The following FILIP1L variants were observed in gnomAD, a reference collection of about 807,000 sequenced individuals.
FILIP1L encodes the protein filamin A interacting protein 1 like, also known as filamin A-interacting protein 1-like.
Under a neutral mutation model 96.6 loss-of-function variants are expected in FILIP1L, and 55 were observed. The ratio of observed to expected loss-of-function variants is 0.57; its 90% CI spans 0.46 to 0.71. The LOEUF is 0.71. Ranked by LOEUF, FILIP1L falls within the 30% of genes least tolerant of loss-of-function variation. FILIP1L has a pLI of 0.00. For synonymous variants in FILIP1L, 467 were observed against 473.9 expected (o/e 0.99, Z 0.19); for missense variants, 1,304 against 1,321.2 (o/e 0.99, Z 0.20).
intron 1 of FILIP1L, among the ~76,000 whole-genome samples, chr3:99,953,004 G>T (rs11719468): frequency 1.3e-5 from 2 of 151,898 alleles, no homozygotes; most frequent in African/African-American, 2.4e-5. Context: ...GGTCTCTGAA[G>T]GTGGATTTTC....
chr3:100,033,386 G>T (rs1576657499), intron 1 of FILIP1L, among the ~76,000 whole-genome samples: 1 of 152,168 alleles, frequency 6.6e-6, no homozygotes. Context: ...GCTCTGGAAG[G>T]CTTCCATCAA....
At chr3:99,893,326 C>T (rs1039490731) in intron 4 of FILIP1L, among the ~76,000 whole-genome samples, 14 of 151,930 alleles carry the variant, frequency 9.2e-5, no homozygotes, top group Non-Finnish European at 1.9e-4. Context: ...CCACCACGCC[C>T]GGCTAATTTT....
At chr3:99,927,000 A>G (rs910051832) in intron 3 of FILIP1L, among the ~76,000 whole-genome samples, 30 of 152,192 alleles carry the variant, frequency 2.0e-4, no homozygotes, top group African/African-American at 6.5e-4. Flanking sequence ...TTCGGGGCCA[A>G]AAGGCCCTTC....
At chr3:99,851,182 T>C in intron 4 of FILIP1L, 112 bp from the exon 5 acceptor site, 9 of 831,328 alleles carry the variant, frequency 1.1e-5, no homozygotes, top group Non-Finnish European at 1.6e-5. Flanking sequence ...GCTGTGTCAG[T>C]TCATATACAA....
intron 1 of FILIP1L, among the ~76,000 whole-genome samples, chr3:100,046,291 A>G (rs1229249228): frequency 1.3e-5 from 2 of 151,876 alleles, no homozygotes; most frequent in African/African-American, 4.8e-5. Context: ...TAGATAGTCC[A>G]CTCCTCCTTA....
chr3:100,094,474 T>C (rs927715271), intron 1 of FILIP1L, among the ~76,000 whole-genome samples: 1 of 152,150 alleles, frequency 6.6e-6, no homozygotes, highest in South Asian at 2.1e-4. Context: ...ATTATACTTT[T>C]GGTGTTAAGT....
chr3:99,839,529 G>A (rs970539587), intron 5 of FILIP1L, among the ~76,000 whole-genome samples: 4 of 152,058 alleles, frequency 2.6e-5, no homozygotes, highest in Non-Finnish European at 5.9e-5. Flanking sequence ...CAATTCTTGG[G>A]ATTCCTGCTG....
intron 5 of FILIP1L, among the ~76,000 whole-genome samples, chr3:99,835,562 G>T (rs1405683679): frequency 2.0e-5 from 3 of 152,210 alleles, no homozygotes; most frequent in African/African-American, 4.8e-5. Context: ...TATGCCCAGA[G>T]AGCCTGTTAG....
intron 4 of FILIP1L, among the ~76,000 whole-genome samples, chr3:99,909,768 G>A (rs1272355902): frequency 2.6e-5 from 4 of 152,166 alleles, no homozygotes; most frequent in African/African-American, 9.7e-5. Flanking sequence ...TAACCTCAGT[G>A]TATATTTTGC....
Position 99,982,353 on chromosome 3 carries a change from T to C in FILIP1L, c.-10-51323A>G, listed in dbSNP as rs1054097827. Among the ~76,000 whole-genome samples, 92 of 152,016 alleles carry C rather than the reference T, an allele frequency of 6.1e-4. 3 individuals are homozygous for C. The highest frequency in any genetic ancestry group is 1.0e-3 in the South Asian group (5 of 4,816). ...CATTAGGTAATTTTTTACTTTTTTT[T>C]TTTTGAGACAGGGTCTCACTCTTTC... On this transcript the variant is annotated intron_variant, in intron 1 of 5. Transcript: ENST00000477258.
intron 4 of FILIP1L, among the ~76,000 whole-genome samples, chr3:99,902,192 T>C (rs932392014): frequency 6.6e-6 from 1 of 152,216 alleles, no homozygotes; most frequent in Non-Finnish European, 1.5e-5. Flanking sequence ...CTCTTAGTAT[T>C]CGAGACATTC....
intron 1 of FILIP1L, among the ~76,000 whole-genome samples, chr3:99,965,519 CT>C (rs1411720055): frequency 1.3e-5 from 2 of 152,016 alleles, no homozygotes; most frequent in African/African-American, 4.8e-5. Context: ...CTTCCAGATA[CT>C]TTTCTTCATT....
rs147970262 is a variant in FILIP1L at position 100,014,965 on chromosome 3, C to T, written c.-10-83935G>A. ...GGGATCATATCCAAAAATTATTTCC[C>T]CTACCAATATCAAGAAGCTTTTTCC... On this transcript the variant is annotated intron_variant, in intron 1 of 5. Coordinates refer to ENST00000477258, the MANE Select transcript of FILIP1L (RefSeq NM_001387850.1). Among the ~76,000 whole-genome samples, 567 of 137,312 alleles carry T rather than the reference C, an allele frequency of 4.1e-3. 1 individual carries two copies. Among genetic ancestry groups the T allele is most frequent in the Non-Finnish European group, 5.4e-3 (351 of 65,276 alleles). 90.1% of individuals were successfully genotyped at this position (137,312 alleles called of 152,430 possible).
intron 1 of FILIP1L, chr3:100,040,234 CAA>C (rs1418476922): frequency 1.3e-5 from 2 of 152,056 alleles, no homozygotes; most frequent in African/African-American, 2.4e-5. Context: ...TAAGATTAAA[CAA>C]AGAGTTCTCT....
intron 1 of FILIP1L, among the ~76,000 whole-genome samples, chr3:100,095,418 T>A (rs1355040136): frequency 2.6e-5 from 4 of 152,130 alleles, no homozygotes; most frequent in African/African-American, 9.7e-5. Flanking sequence ...GAATATTTTT[T>A]AAAAACTATT....
intron 1 of FILIP1L, among the ~76,000 whole-genome samples, chr3:99,980,441 C>T (rs577256349): frequency 3.9e-5 from 6 of 152,296 alleles, no homozygotes; most frequent in Non-Finnish European, 7.4e-5. Flanking sequence ...AGGTCTGAGG[C>T]AGTTCCTCAT....
chr3:100,006,801 C>T (rs1263667718), intron 1 of FILIP1L, among the ~76,000 whole-genome samples: 1 of 152,158 alleles, frequency 6.6e-6, no homozygotes, highest in African/African-American at 2.4e-5. Context: ...GGCATGTCAG[C>T]CAAAGTAAAC....
At chr3:99,951,149 C>A (rs923996398) in intron 1 of FILIP1L, among the ~76,000 whole-genome samples, 9 of 152,182 alleles carry the variant, frequency 5.9e-5, no homozygotes, top group African/African-American at 1.9e-4. Flanking sequence ...ACTGCTTGGG[C>A]CTCTTCCCTC....
At chr3:99,929,493 G>A (rs912951491) in intron 3 of FILIP1L, among the ~76,000 whole-genome samples, 1 of 151,198 alleles carries the variant, frequency 6.6e-6, no homozygotes, top group Non-Finnish European at 1.5e-5. Context: ...TTACAGCCTG[G>A]GTACCCTGCA....
Sources: gnomAD v4.1 joint callset for allele counts (sites outside exome capture counted in the v4.1 genomes callset) on GRCh38, gnomAD v4.1.1 for gene constraint, MANE v1.5 for transcripts, NCBI Gene and HGNC (gene_info 2026-07-23, HGNC 2026-07-21) for gene names.